PPP1R8: variants seen among roughly 807,000 people sequenced by gnomAD.
The protein encoded by PPP1R8 is nuclear inhibitor of protein phosphatase 1.
PPP1R8 carries 4 observed loss-of-function variants against 31.3 expected under a neutral mutation model. The observed-to-expected ratio is 0.13, with a 90% CI of 0.06 to 0.29. The LOEUF is 0.29. Ranked by LOEUF, PPP1R8 falls within the 10% of genes least tolerant of loss-of-function variation. The pLI, the probability that PPP1R8 is intolerant of heterozygous loss-of-function variation, is 1.00. For missense variants in PPP1R8, 254 were observed against 440.1 expected, an observed-to-expected ratio of 0.58 and a Z score of 3.78; for synonymous variants, 170 against 169.7, an observed-to-expected ratio of 1.00 and a Z score of -0.01.
chr1:27,845,144 A>G (rs1489109207), intron 5 of PPP1R8, among the ~76,000 whole-genome samples: 1 of 144,932 alleles, frequency 6.9e-6, no homozygotes, highest in African/African-American at 2.6e-5. Context: ...TAATCCCAGC[A>G]CTTTGGGAGG....
intron 3 of PPP1R8, among the ~76,000 whole-genome samples, chr1:27,840,785 A>T (rs973879975): frequency 6.6e-6 from 1 of 152,162 alleles, no homozygotes; most frequent in East Asian, 1.9e-4. Context: ...ACTGTAACAC[A>T]TGATGGATGT....
At chr1:27,847,181 C>T in intron 6 of PPP1R8, 89 bp downstream of exon 6, 2 of 1,309,102 alleles carry the variant, frequency 1.5e-6, no homozygotes, top group Non-Finnish European at 2.2e-6. Flanking sequence ...AATCCAAGCA[C>T]TTTGGGAGGC....
intron 2 of PPP1R8, among the ~76,000 whole-genome samples, chr1:27,834,157 GGTTGCCTA>G (rs2089138626): frequency 6.6e-6 from 1 of 152,142 alleles, no homozygotes; most frequent in Non-Finnish European, 1.5e-5. Flanking sequence ...AAACAGACAG[GGTTGCCTA>G]GTCTTAATGA....
Position 27,850,353 on chromosome 1 carries a change from C to T in PPP1R8, c.963C>T (p.Val321=), listed in dbSNP as rs144281839. Residue 321 remains valine, a synonymous_variant, in exon 7 of 7, where the codon GTC becomes GTT. Coordinates refer to ENST00000311772, the MANE Select transcript of PPP1R8 (RefSeq NM_014110.5). ...TGAACCCTGCACCAAACCCTGCAGTCTATAACCCTGAAGCTGTAAATGAAC... is the reference window on the plus strand; with the variant it reads ...TGAACCCTGCACCAAACCCTGCAGTTTATAACCCTGAAGCTGTAAATGAAC... ...VNMNPAPNPA[V]YNPEAVNEPK... 4.5e-5 allele frequency: 72 copies of T among 1,614,140 alleles called. No homozygotes were observed. In the African/African-American group the frequency reaches 8.5e-4, roughly 19 times the overall value.
chr1:27,838,081 C>T (rs759791565), intron 2 of PPP1R8, among the ~76,000 whole-genome samples: 43 of 151,028 alleles, frequency 2.8e-4, no homozygotes, highest in South Asian at 1.3e-3. Flanking sequence ...CATGGTGGCG[C>T]GTGCCTGTAA....
chr1:27,848,326 A>AC (rs762625142), intron 6 of PPP1R8, among the ~76,000 whole-genome samples: 19 of 151,988 alleles, frequency 1.3e-4, no homozygotes, highest in Non-Finnish European at 2.2e-4. Flanking sequence ...AATGGCGTGA[A>AC]CCCGGGGGGC....
rs1044640377 is a variant in PPP1R8 at position 27,851,200 on chromosome 1, G to A, written c.*754G>A. Reference sequence around the variant, plus strand: ...CTCTACTCTAAGGCATTACTTTTAAGTGTATTATGAAGGCAGTTTTCAAAG... The same window carrying A: ...CTCTACTCTAAGGCATTACTTTTAAATGTATTATGAAGGCAGTTTTCAAAG... On this transcript the variant is annotated 3_prime_UTR_variant, in exon 7 of 7. Coordinates refer to ENST00000311772, the MANE Select transcript of PPP1R8 (RefSeq NM_014110.5). 10 of 236,116 alleles carry A rather than the reference G, an allele frequency of 4.2e-5. No homozygotes were observed. Among genetic ancestry groups the A allele is most frequent in the Non-Finnish European group, 6.0e-5 (7 of 116,590 alleles). The allele number at this position is 236,116 out of a possible 1,614,324, so 14.6% of individuals were successfully genotyped here.
At chr1:27,847,988 A>G (rs1295866401) in intron 6 of PPP1R8, among the ~76,000 whole-genome samples, 4 of 152,208 alleles carry the variant, frequency 2.6e-5, no homozygotes, top group Admixed American at 2.0e-4. Flanking sequence ...TTCGGACTCA[A>G]AGTAAGCTAT....
Position 27,832,738 on chromosome 1 carries a change from T to G in PPP1R8, c.57-18T>G. On this transcript the variant is annotated intron_variant, in intron 1 of 6. Transcript: ENST00000311772. ...TAAACCCATCCTGAAAATGCTTTTT[T>G]CTATTTTTATTTTTCAGGGCAGGTA... is the stretch of plus-strand genomic sequence containing the variant. 2 of 1,603,262 alleles carry G rather than the reference T, an allele frequency of 1.2e-6. No individual in the cohort carries two copies. Among genetic ancestry groups the G allele is most frequent in the Non-Finnish European group, 1.7e-6 (2 of 1,173,318 alleles).
At chr1:27,831,301 C>T (rs1412634330) in intron 1 of PPP1R8, 5 of 1,000,340 alleles carry the variant, frequency 5.0e-6, no homozygotes, top group Admixed American at 5.5e-5. Flanking sequence ...CTCCAAGCCC[C>T]GCATCCCTCT....
Position 27,843,159 on chromosome 1 carries a change from G to T in PPP1R8, c.493-27G>T, listed in dbSNP as rs202226369. On this transcript the variant is annotated intron_variant, in intron 4 of 6. Transcript: ENST00000311772. ...TCAGATTCCCTTTGTACTGACTGCT[G>T]TCTTTCCTGTATGAACCCTGGCTTA... is the stretch of plus-strand genomic sequence containing the variant. 25 of 1,613,674 alleles carry T rather than the reference G, an allele frequency of 1.5e-5. No homozygotes were observed. The African/African-American group carries it at 3.2e-4, about 21-fold the overall frequency.
intron 5 of PPP1R8, among the ~76,000 whole-genome samples, chr1:27,843,628 C>T (rs1049518941): frequency 2.0e-5 from 3 of 150,162 alleles, no homozygotes; most frequent in Admixed American, 1.3e-4. Flanking sequence ...CCATTGCACT[C>T]CTGCCTAGGT....
In PPP1R8 at chr1:27,837,721, G is replaced by GCC. The variant is rs1300664414; in HGVS notation, c.118-977_118-976dup. On this transcript the variant is annotated intron_variant, in intron 2 of 6. Transcript: ENST00000311772. ...ACCCGGGAGGCGGAGGTTGCAGTGAGCCGAGATCGCACCACTGCACTCCAG... is the reference window on the plus strand; with the variant it reads ...ACCCGGGAGGCGGAGGTTGCAGTGAGCCCCGAGATCGCACCACTGCACTCCAG... Among the ~76,000 whole-genome samples, 4 of 150,644 alleles carry GCC rather than the reference G, an allele frequency of 2.7e-5. No homozygotes were observed. The East Asian group carries it at 7.9e-4, about 30-fold the overall frequency.
Position 27,851,462 on chromosome 1 carries a change from C to T in PPP1R8, c.*1016C>T, listed in dbSNP as rs2089343443. 4.5e-6 allele frequency: 2 copies of T among 442,742 alleles called. No homozygotes were observed. Among genetic ancestry groups the T allele is most frequent in the Non-Finnish European group, 9.2e-6 (2 of 217,598 alleles). The allele number at this position is 442,742 out of a possible 1,614,324, so 27.4% of individuals were successfully genotyped here. On this transcript the variant is annotated 3_prime_UTR_variant, in exon 7 of 7. Transcript: ENST00000311772. ...TGTACATTTGTGTAATAGGCCTTTTCATGCTTTATGTGTAGCTTTTTACCT... is the reference window on the plus strand; with the variant it reads ...TGTACATTTGTGTAATAGGCCTTTTTATGCTTTATGTGTAGCTTTTTACCT...
chr1:27,838,588 T>C (rs2089193576), intron 2 of PPP1R8, 111 bp from the exon 3 acceptor site: 1 of 630,904 alleles, frequency 1.6e-6, no homozygotes. Flanking sequence ...GAGTTTTTAC[T>C]CAATCTAATG....
chr1:27,830,783 T>C lies in PPP1R8; in HGVS notation c.-53T>C. On this transcript the variant is annotated 5_prime_UTR_variant, in exon 1 of 7. Transcript: ENST00000311772. The stretch of plus-strand genomic sequence containing the variant: ...GGATGCCGCTTTTCCCTTCTCGGTC[T>C]TCCAGTTTCCCGGCGTGCTTAGGGC... 6.4e-7 allele frequency: 1 copy of C among 1,553,798 alleles called. No individual in the cohort carries two copies. The highest frequency in any genetic ancestry group is 8.7e-7 in the Non-Finnish European group (1 of 1,149,384).
intron 4 of PPP1R8, among the ~76,000 whole-genome samples, chr1:27,842,815 A>G (rs1349946414): frequency 2.0e-5 from 3 of 152,214 alleles, no homozygotes; most frequent in Admixed American, 2.0e-4. Flanking sequence ...CCTTCCAGCC[A>G]CATTTCCTTT....
At position 27,838,868 on chromosome 1, in the gene PPP1R8, C is replaced by A; in HGVS notation, c.271+16C>A. ...CTCAACAGTAGTAAGTAACTCCCTCCCAATTCACATGTTACCTTTAGGCAA... is the reference window on the plus strand; with the variant it reads ...CTCAACAGTAGTAAGTAACTCCCTCACAATTCACATGTTACCTTTAGGCAA... On this transcript the variant is annotated intron_variant, in intron 3 of 6. Coordinates refer to ENST00000311772, the MANE Select transcript of PPP1R8 (RefSeq NM_014110.5). 2 of 1,552,388 alleles carry A rather than the reference C, an allele frequency of 1.3e-6. No homozygotes were observed. The highest frequency in any genetic ancestry group is 1.2e-5 in the South Asian group (1 of 80,514).
chr1:27,839,995 G>A lies in PPP1R8; in HGVS notation c.272-1019G>A, dbSNP rs753040787. ...GGATCGTTTGAGCCCAGGAGGTGGA[G>A]GTTGCAGCGAGCCATTATCGCATGA... On this transcript the variant is annotated intron_variant, in intron 3 of 6. Coordinates refer to ENST00000311772, the MANE Select transcript of PPP1R8 (RefSeq NM_014110.5). Among the ~76,000 whole-genome samples, 37 of 152,244 alleles carry A rather than the reference G, an allele frequency of 2.4e-4. 1 individual carries two copies. Among genetic ancestry groups the A allele is most frequent in the Non-Finnish European group, 2.8e-4 (19 of 68,028 alleles).
Sources: allele counts gnomAD v4.1 joint callset (sites outside exome capture counted in the v4.1 genomes callset), GRCh38; gene constraint gnomAD v4.1.1; transcripts MANE v1.5; gene names NCBI Gene and HGNC (gene_info 2026-07-23, HGNC 2026-07-21).